Variants in LARGE1 observed in about 807,000 individuals in gnomAD.
LARGE1 encodes LARGE xylosyl- and glucuronyltransferase 1.
LARGE1 carries 43 observed loss-of-function variants against 87.6 expected under a neutral mutation model. The observed-to-expected ratio is 0.49, with a 90% CI of 0.38 to 0.63. The LOEUF is 0.63. Ranked by LOEUF, LARGE1 falls within the 30% of genes least tolerant of loss-of-function variation. The probability of loss-of-function intolerance (pLI) is 0.00; values close to 1 mark genes in which losing one functional copy is unlikely to be tolerated. For synonymous variants in LARGE1, 434 were observed against 394.6 expected, an observed-to-expected ratio of 1.10 and a Z score of -1.18; for missense variants, 802 against 1,000.2, an observed-to-expected ratio of 0.80 and a Z score of 2.67.
chr22:33,241,378 G>A (rs142699295), intron 11 of LARGE1, among the ~76,000 whole-genome samples: 142 of 152,078 alleles, frequency 9.3e-4, no homozygotes, highest in African/African-American at 2.9e-3. Flanking sequence ...GCAATTCCTC[G>A]TTGCAGCACC....
the LARGE1 span, among the ~76,000 whole-genome samples, chr22:33,135,156 C>T: frequency 2.6e-5 from 4 of 152,214 alleles, no homozygotes; most frequent in Admixed American, 1.3e-4. Flanking sequence ...CACTGTAGAA[C>T]AGGCCTGCAG....
At chr22:33,514,954 T>G (rs2071230613) in intron 6 of LARGE1, among the ~76,000 whole-genome samples, 1 of 152,146 alleles carries the variant, frequency 6.6e-6, no homozygotes, top group Non-Finnish European at 1.5e-5. Context: ...CCAGGCACTG[T>G]GCTAAGCGCT....
chr22:33,764,077 C>A (rs1186278734), intron 1 of LARGE1, among the ~76,000 whole-genome samples: 1 of 151,732 alleles, frequency 6.6e-6, no homozygotes, highest in Non-Finnish European at 1.5e-5. Context: ...CTCAATCTCT[C>A]GACCTTGTGA....
At chr22:33,373,954 T>C (rs1332375159) in intron 9 of LARGE1, among the ~76,000 whole-genome samples, 3 of 120,110 alleles carry the variant, frequency 2.5e-5, no homozygotes, top group African/African-American at 1.0e-4. Context: ...AGCCTGGGGA[T>C]AGAGTGAGAC....
At position 33,440,031 on chromosome 22, in the gene LARGE1, T is replaced by G. The variant is rs887572212; in HGVS notation, c.788-7766A>C. ...CTCTCTCTCTCCTGGATTAGCAGATTTGTACCTGATCACTTTTTCCTCAGG... is the reference window on the plus strand; with the variant it reads ...CTCTCTCTCTCCTGGATTAGCAGATGTGTACCTGATCACTTTTTCCTCAGG... On this transcript the variant is annotated intron_variant, in intron 6 of 14. Coordinates refer to ENST00000397394, the MANE Select transcript of LARGE1 (RefSeq NM_133642.5). 3.3e-5 allele frequency among the ~76,000 whole-genome samples: 5 copies of G among 152,150 alleles called. 1 individual carries two copies. Among genetic ancestry groups the G allele is most frequent in the Non-Finnish European group, 7.3e-5 (5 of 68,030 alleles).
At chr22:33,530,384 C>T (rs1168399697) in intron 6 of LARGE1, among the ~76,000 whole-genome samples, 1 of 151,920 alleles carries the variant, frequency 6.6e-6, no homozygotes, top group Non-Finnish European at 1.5e-5. Context: ...AACATCTGGC[C>T]CAGAATTTGG....
intron 6 of LARGE1, among the ~76,000 whole-genome samples, chr22:33,536,639 G>A (rs1306699054): frequency 1.3e-5 from 2 of 152,182 alleles, no homozygotes; most frequent in Non-Finnish European, 2.9e-5. Context: ...GCGTCACAGA[G>A]TGGGCTAAGG....
chr22:33,686,335 G>C (rs914467393), intron 2 of LARGE1, among the ~76,000 whole-genome samples: 2 of 151,968 alleles, frequency 1.3e-5, no homozygotes, highest in East Asian at 3.9e-4. Context: ...AAGACCAGGG[G>C]TTCGAGACCA....
intron 11 of LARGE1, among the ~76,000 whole-genome samples, chr22:33,257,422 G>A (rs1196344009): frequency 1.8e-5 from 2 of 112,752 alleles, no homozygotes; most frequent in Admixed American, 2.1e-4. Flanking sequence ...TACTTGGAAG[G>A]TAAAACAAAA....
chr22:33,355,876 C>T lies in LARGE1; in HGVS notation c.1132-18075G>A, dbSNP rs5994721. On this transcript the variant is annotated intron_variant, in intron 9 of 14. Coordinates refer to ENST00000397394, the MANE Select transcript of LARGE1 (RefSeq NM_133642.5). ...GTGGGCTTCTAAGGAACTTGTCCTA[C>T]CAGGCATTCTGTAATCAAAGGGGAG... is the stretch of plus-strand genomic sequence containing the variant. Among the ~76,000 whole-genome samples the T allele has an allele frequency of 5.4e-3, 826 of 152,228 alleles. 10 individuals carry two copies. Among genetic ancestry groups the T allele is most frequent in the African/African-American group, 0.018 (764 of 41,520 alleles).
At chr22:33,509,180 T>A (rs910181088) in intron 6 of LARGE1, among the ~76,000 whole-genome samples, 2 of 152,148 alleles carry the variant, frequency 1.3e-5, no homozygotes, top group African/African-American at 4.8e-5. Context: ...GTTACTGATT[T>A]AGTATGCCTG....
the LARGE1 span, among the ~76,000 whole-genome samples, chr22:33,083,917 T>C: frequency 4.6e-5 from 7 of 152,294 alleles, no homozygotes; most frequent in East Asian, 1.2e-3. Flanking sequence ...CTGTCACCTA[T>C]AGAATAAGTC....
chr22:33,676,943 T>A (rs1161820200), intron 2 of LARGE1, among the ~76,000 whole-genome samples: 1 of 152,078 alleles, frequency 6.6e-6, no homozygotes, highest in Non-Finnish European at 1.5e-5. Context: ...AGCTTCAATA[T>A]CACAAAAGAA....
chr22:33,371,865 T>C lies in LARGE1; in HGVS notation c.1131+10054A>G, dbSNP rs532609312. On this transcript the variant is annotated intron_variant, in intron 9 of 14. Transcript: ENST00000397394. Reference sequence around the variant, plus strand: ...CGGGCATGGTGGCGGGCGCCTGTAGTCCCAGCTACTCGGGAGGCTGGGGCA... The same window carrying C: ...CGGGCATGGTGGCGGGCGCCTGTAGCCCCAGCTACTCGGGAGGCTGGGGCA... 5.9e-5 allele frequency among the ~76,000 whole-genome samples: 9 copies of C among 151,850 alleles called. No homozygotes were observed. The South Asian group carries it at 1.9e-3, about 31-fold the overall frequency.
chr22:33,301,677 A>G (rs1454689702), intron 12 of LARGE1, among the ~76,000 whole-genome samples: 1 of 152,172 alleles, frequency 6.6e-6, no homozygotes, highest in Non-Finnish European at 1.5e-5. Context: ...GAAGAAAGTA[A>G]TAAAGTTTTA....
intron 11 of LARGE1, among the ~76,000 whole-genome samples, chr22:33,254,797 A>G (rs1355884862): frequency 6.6e-6 from 1 of 152,026 alleles, no homozygotes; most frequent in African/African-American, 2.4e-5. Flanking sequence ...CTCTTTCTCT[A>G]CTTGGTCTGT....
intron 11 of LARGE1, among the ~76,000 whole-genome samples, chr22:33,308,302 C>G (rs1935170618): frequency 1.3e-5 from 2 of 152,126 alleles, no homozygotes; most frequent in Non-Finnish European, 1.5e-5. Flanking sequence ...CAAGGCGGAC[C>G]ATTCTAATCT....
At chr22:33,779,618 C>CAA (rs2085353377) in intron 1 of LARGE1, among the ~76,000 whole-genome samples, 1 of 151,718 alleles carries the variant, frequency 6.6e-6, no homozygotes, top group South Asian at 2.1e-4. Flanking sequence ...CATCTCTACT[C>CAA]AAAATACAAA....
intron 6 of LARGE1, among the ~76,000 whole-genome samples, chr22:33,558,425 G>A (rs1212089997): frequency 1.3e-5 from 2 of 152,160 alleles, no homozygotes; most frequent in East Asian, 1.9e-4. Flanking sequence ...AAAGAAACAC[G>A]CAAGGTCCAA....
Sources: gnomAD v4.1 joint callset for allele counts (sites outside exome capture counted in the v4.1 genomes callset) on GRCh38, gnomAD v4.1.1 for gene constraint, MANE v1.5 for transcripts, NCBI Gene and HGNC (gene_info 2026-07-23, HGNC 2026-07-21) for gene names.